The following ASIC2 variants were observed in gnomAD, a reference collection of about 807,000 sequenced individuals.
ASIC2 encodes the protein acid-sensing ion channel 2.
In ASIC2, 25 loss-of-function variants were observed where a neutral mutation model predicts 57.3. The ratio of observed to expected loss-of-function variants is 0.44; its 90% CI spans 0.32 to 0.61. The LOEUF (loss-of-function observed/expected upper bound fraction) is 0.61. ASIC2 is among the 20% of genes least tolerant of loss of function. The pLI is 0.06. For missense variants in ASIC2, 641 were observed against 738.1 expected, an observed-to-expected ratio of 0.87 and a Z score of 1.52; for synonymous variants, 319 against 307.5, an observed-to-expected ratio of 1.04 and a Z score of -0.39.
intron 1 of ASIC2, among the ~76,000 whole-genome samples, chr17:33,843,091 C>T (rs1006561049): frequency 3.3e-5 from 5 of 152,228 alleles, no homozygotes; most frequent in Admixed American, 1.3e-4. Context: ...TGATTATTAT[C>T]TCACCCTGCT....
At chr17:33,368,868 G>A (rs1034028534) in intron 1 of ASIC2, among the ~76,000 whole-genome samples, 15 of 152,144 alleles carry the variant, frequency 9.9e-5, no homozygotes, top group African/African-American at 3.6e-4. Flanking sequence ...CCACAGGGAG[G>A]CCCTGGAGAG....
chr17:33,967,737 A>G (rs761289053), intron 1 of ASIC2, among the ~76,000 whole-genome samples: 1 of 152,216 alleles, frequency 6.6e-6, no homozygotes, highest in Non-Finnish European at 1.5e-5. Context: ...AATTAGTAGT[A>G]GTAATAAAGG....
chr17:34,003,037 G>A (rs1906397896), intron 1 of ASIC2: 1 of 152,150 alleles, frequency 6.6e-6, no homozygotes, highest in Admixed American at 6.5e-5. Flanking sequence ...ATAATTGTTG[G>A]GACTTCTGCT....
intron 1 of ASIC2, among the ~76,000 whole-genome samples, chr17:33,452,737 G>GT (rs1324995282): frequency 6.9e-5 from 9 of 130,892 alleles, no homozygotes; most frequent in South Asian, 2.7e-4. Context: ...GAACAGAGTG[G>GT]GGTGTGTGTG....
chr17:33,615,743 G>T (rs1905582313), intron 1 of ASIC2, among the ~76,000 whole-genome samples: 1 of 152,142 alleles, frequency 6.6e-6, no homozygotes, highest in South Asian at 2.1e-4. Context: ...GGATTATGGA[G>T]AATACCTTTA....
intron 1 of ASIC2, among the ~76,000 whole-genome samples, chr17:34,078,068 G>A (rs1230070502): frequency 2.6e-5 from 4 of 152,004 alleles, no homozygotes; most frequent in East Asian, 3.9e-4. Flanking sequence ...TGGCCTCTCC[G>A]TTTCACCAGC....
chr17:33,969,136 T>G (rs1266210427), intron 1 of ASIC2, among the ~76,000 whole-genome samples: 3 of 152,148 alleles, frequency 2.0e-5, no homozygotes, highest in Non-Finnish European at 2.9e-5. Flanking sequence ...GCATGGCCCG[T>G]TGAGAAACAA....
At chr17:33,823,610 C>T (rs1912815864) in intron 1 of ASIC2, among the ~76,000 whole-genome samples, 1 of 152,202 alleles carries the variant, frequency 6.6e-6, no homozygotes, top group South Asian at 2.1e-4. Flanking sequence ...GGCCACACTT[C>T]TTTCATTATG....
intron 3 of ASIC2, among the ~76,000 whole-genome samples, chr17:33,058,576 A>G (rs950508892): frequency 3.3e-5 from 5 of 151,918 alleles, no homozygotes; most frequent in Non-Finnish European, 7.4e-5. Flanking sequence ...TCATAATACA[A>G]TTCTACTGCT....
chr17:33,583,095 G>A (rs566654142), intron 1 of ASIC2, among the ~76,000 whole-genome samples: 4 of 152,312 alleles, frequency 2.6e-5, no homozygotes, highest in South Asian at 2.1e-4. Flanking sequence ...GTCCAGCAGC[G>A]GCTTGGTCTA....
intron 1 of ASIC2, among the ~76,000 whole-genome samples, chr17:33,264,469 G>C (rs1358643987): frequency 6.6e-6 from 1 of 152,234 alleles, no homozygotes; most frequent in Non-Finnish European, 1.5e-5. Context: ...GAGTCACACA[G>C]CTAGTAAACA....
intron 1 of ASIC2, chr17:34,000,798 T>G (rs532478145): frequency 6.6e-6 from 1 of 152,226 alleles, no homozygotes; most frequent in Non-Finnish European, 1.5e-5. Flanking sequence ...TTCCTTTGAA[T>G]AATTTCAAAT....
At chr17:34,061,961 A>G (rs1429509641) in intron 1 of ASIC2, among the ~76,000 whole-genome samples, 1 of 152,198 alleles carries the variant, frequency 6.6e-6, no homozygotes, top group Non-Finnish European at 1.5e-5. Flanking sequence ...AGCACTAGAC[A>G]GGTCATCAAG....
intron 1 of ASIC2, among the ~76,000 whole-genome samples, chr17:34,034,075 C>T (rs1907751590): frequency 6.6e-6 from 1 of 152,166 alleles, no homozygotes; most frequent in Admixed American, 6.6e-5. Context: ...GAATTTTAGA[C>T]CAATATCCTT....
At chr17:33,142,931 G>C (rs1177597095) in intron 1 of ASIC2, among the ~76,000 whole-genome samples, 1 of 152,198 alleles carries the variant, frequency 6.6e-6, no homozygotes, top group Non-Finnish European at 1.5e-5. Flanking sequence ...CTGAAGGCTA[G>C]GGCTGAGTGT....
At chr17:34,099,432 AAGAAAAGAAAGAGAAAGAAAGAAAAG>A (rs1370824254) in intron 1 of ASIC2, among the ~76,000 whole-genome samples, 1 of 131,308 alleles carries the variant, frequency 7.6e-6, no homozygotes, top group Non-Finnish European at 1.7e-5. Context: ...TGAAAGAAAG[AAGAAAAGAAAGAGAAAGAAAGAAAAG>A]AAAGAAAGAG....
intron 1 of ASIC2, among the ~76,000 whole-genome samples, chr17:33,652,663 C>T (rs1039699939): frequency 6.6e-5 from 10 of 152,196 alleles, no homozygotes; most frequent in South Asian, 2.1e-4. Flanking sequence ...CTGAGAAAGC[C>T]GGGGCCAGTC....
In ASIC2 at chr17:33,749,677, G is replaced by A. The variant is rs113038404; in HGVS notation, c.555+406301C>T. On this transcript the variant is annotated intron_variant, in intron 1 of 9. Coordinates refer to the ASIC2 transcript ENST00000359872. ...ACTGTTACTTATGGGAGGAGAGGAC[G>A]ACTGCCTCTCTTACAGCTTGCCCCG... Among the ~76,000 whole-genome samples, 35 of 152,162 alleles carry A rather than the reference G, an allele frequency of 2.3e-4. 1 individual carries two copies. Among genetic ancestry groups the A allele is most frequent in the African/African-American group, 8.4e-4 (35 of 41,512 alleles).
intron 1 of ASIC2, among the ~76,000 whole-genome samples, chr17:33,218,461 G>A (rs1026816362): frequency 6.6e-6 from 1 of 152,188 alleles, no homozygotes; most frequent in African/African-American, 2.4e-5. Flanking sequence ...GGGTGAATAA[G>A]TCTCCGCTTC....
Sources: allele counts gnomAD v4.1 joint callset (sites outside exome capture counted in the v4.1 genomes callset), GRCh38; gene constraint gnomAD v4.1.1; transcripts MANE v1.5; gene names NCBI Gene and HGNC (gene_info 2026-07-23, HGNC 2026-07-21).